Variants in DGKB observed in about 807,000 individuals in gnomAD.
DGKB encodes the protein diacylglycerol kinase beta, also known as 90 kDa diacylglycerol kinase.
Under a neutral mutation model 114.3 loss-of-function variants are expected in DGKB, and 67 were observed. The observed-to-expected ratio is 0.59, with a 90% confidence interval of 0.48 to 0.72. DGKB has a LOEUF of 0.72. Among genes scored for constraint, DGKB ranks in the 30% least tolerant of loss-of-function variants. The pLI, the probability that DGKB is intolerant of heterozygous loss-of-function variation, is 0.00. For synonymous variants in DGKB, 398 were observed against 323.1 expected, an observed-to-expected ratio of 1.23 and a Z score of -2.49; for missense variants, 907 against 975.2, an observed-to-expected ratio of 0.93 and a Z score of 0.93.
intron 1 of DGKB, among the ~76,000 whole-genome samples, chr7:14,894,749 C>T (rs1294077812): frequency 6.6e-6 from 1 of 151,518 alleles, no homozygotes; most frequent in Non-Finnish European, 1.5e-5. Context: ...ACAAAATTTC[C>T]ACTTGAAGCT....
At chr7:14,629,468 C>T (rs1332889361) in intron 14 of DGKB, among the ~76,000 whole-genome samples, 1 of 151,748 alleles carries the variant, frequency 6.6e-6, no homozygotes, top group Non-Finnish European at 1.5e-5. Context: ...AACATGTTAT[C>T]CTCTAAATAA....
At chr7:14,665,029 T>C (rs550535870) in intron 13 of DGKB, among the ~76,000 whole-genome samples, 1 of 152,068 alleles carries the variant, frequency 6.6e-6, no homozygotes, top group East Asian at 1.9e-4. Context: ...GAAATAAAAA[T>C]AACAATTCAT....
chr7:14,623,906 C>T (rs1036480180), intron 14 of DGKB, among the ~76,000 whole-genome samples: 3 of 151,992 alleles, frequency 2.0e-5, no homozygotes, highest in Non-Finnish European at 4.4e-5. Context: ...TATTATGTAA[C>T]CTAGAGGGTT....
chr7:14,851,561 A>G (rs533151423), intron 1 of DGKB, among the ~76,000 whole-genome samples: 22 of 152,250 alleles, frequency 1.4e-4, no homozygotes, highest in Non-Finnish European at 2.6e-4. Flanking sequence ...TTCATCTCAC[A>G]TGGTCTTCAG....
chr7:14,686,853 C>A (rs1325991471), intron 9 of DGKB, among the ~76,000 whole-genome samples: 1 of 151,810 alleles, frequency 6.6e-6, no homozygotes, highest in African/African-American at 2.4e-5. Context: ...CTTTTTCTTT[C>A]TTTCTTTTTT....
chr7:14,316,043 T>A (rs1267857512), intron 23 of DGKB, among the ~76,000 whole-genome samples: 1 of 149,800 alleles, frequency 6.7e-6, no homozygotes. Context: ...GTTGGGTACA[T>A]AACGAAATGA....
At chr7:14,623,901 T>C (rs1017634823) in intron 14 of DGKB, among the ~76,000 whole-genome samples, 1 of 152,176 alleles carries the variant, frequency 6.6e-6, no homozygotes, top group East Asian at 1.9e-4. Context: ...CTAAGTATTA[T>C]GTAACCTAGA....
intron 21 of DGKB, among the ~76,000 whole-genome samples, chr7:14,395,522 T>G (rs1822076736): frequency 6.6e-6 from 1 of 151,910 alleles, no homozygotes; most frequent in African/African-American, 2.4e-5. Context: ...AGTTGCTTAT[T>G]ATAAGTTGAT....
chr7:14,567,702 G>T (rs537724647), intron 20 of DGKB, among the ~76,000 whole-genome samples: 231 of 148,926 alleles, frequency 1.6e-3, no homozygotes, highest in African/African-American at 5.6e-3. Context: ...TGCCTCTCAG[G>T]TTCAAGCACT....
At chr7:14,647,324 T>C (rs1380883267) in intron 13 of DGKB, among the ~76,000 whole-genome samples, 2 of 151,668 alleles carry the variant, frequency 1.3e-5, no homozygotes, top group South Asian at 2.1e-4. Flanking sequence ...ATAAAAAGTC[T>C]CCCAAAAAGA....
intron 1 of DGKB, among the ~76,000 whole-genome samples, chr7:14,893,123 C>T (rs955999740): frequency 1.3e-5 from 2 of 151,294 alleles, no homozygotes; most frequent in Non-Finnish European, 3.0e-5. Context: ...TTTAAACCTT[C>T]ATAGATTAAC....
chr7:14,288,775 T>C (rs1183535912), intron 23 of DGKB, among the ~76,000 whole-genome samples: 4 of 152,110 alleles, frequency 2.6e-5, no homozygotes, highest in African/African-American at 9.7e-5. Flanking sequence ...GTATAGCAAA[T>C]AGACCAGCTG....
At chr7:14,444,720 C>G (rs1830508545) in intron 21 of DGKB, among the ~76,000 whole-genome samples, 1 of 151,848 alleles carries the variant, frequency 6.6e-6, no homozygotes, top group Non-Finnish European at 1.5e-5. Flanking sequence ...CCCCACTTTA[C>G]AAATATATGT....
intron 2 of DGKB, among the ~76,000 whole-genome samples, chr7:14,814,810 C>T (rs994561094): frequency 6.6e-6 from 1 of 152,136 alleles, no homozygotes; most frequent in Non-Finnish European, 1.5e-5. Context: ...TATGAACATA[C>T]TCTAGGTAAC....
In DGKB at chr7:14,796,522, A is replaced by G. The variant is rs1586573892; in HGVS notation, c.71-38791T>C. Among the ~76,000 whole-genome samples, 6 of 152,150 alleles carry G rather than the reference A, an allele frequency of 3.9e-5. No individual in the cohort carries two copies. The South Asian group carries it at 1.2e-3, about 31-fold the overall frequency. The stretch of plus-strand genomic sequence containing the variant: ...GAAAAATTGTAATCAGAGATGAAAC[A>G]TGGCTTTACCCGCACAATTCTGAAG... On this transcript the variant is annotated intron_variant, in intron 2 of 25. Coordinates refer to ENST00000402815, the MANE Select transcript of DGKB (RefSeq NM_001350709.2).
intron 2 of DGKB, among the ~76,000 whole-genome samples, chr7:14,835,680 G>T (rs538347168): frequency 1.0e-3 from 159 of 152,216 alleles, no homozygotes; most frequent in Non-Finnish European, 1.8e-3. Flanking sequence ...CACCTGTGAG[G>T]AGGTCAAGTC....
intron 20 of DGKB, among the ~76,000 whole-genome samples, chr7:14,495,952 G>A (rs1233229049): frequency 2.0e-5 from 3 of 151,800 alleles, no homozygotes; most frequent in African/African-American, 7.2e-5. Context: ...TCAGGCTACT[G>A]TTAAAGAGGA....
intron 1 of DGKB, among the ~76,000 whole-genome samples, chr7:14,848,361 C>T (rs1045763164): frequency 2.0e-5 from 3 of 152,108 alleles, no homozygotes; most frequent in African/African-American, 7.2e-5. Context: ...TTTCCAAATA[C>T]TAGAATAGAA....
At chr7:14,785,604 G>T (rs560498450) in intron 2 of DGKB, among the ~76,000 whole-genome samples, 3 of 152,090 alleles carry the variant, frequency 2.0e-5, no homozygotes, top group African/African-American at 7.2e-5. Context: ...AAAAATTCAA[G>T]ACCACCTGCA....
Sources: allele counts gnomAD v4.1 joint callset (sites outside exome capture counted in the v4.1 genomes callset), GRCh38; gene constraint gnomAD v4.1.1; transcripts MANE v1.5; gene names NCBI Gene and HGNC (gene_info 2026-07-23, HGNC 2026-07-21).